ZNF718: variants seen among roughly 807,000 people sequenced by gnomAD.
The protein encoded by ZNF718 is zinc finger protein 718.
A neutral mutation model predicts 2.6 loss-of-function variants in ZNF718; 3 were observed. That is an observed-to-expected ratio of 1.16 (90% CI 0.53 to 3.01). ZNF718 has a LOEUF of 3.01. Ranked by LOEUF, ZNF718 falls within the 30% of genes most tolerant of loss-of-function variation. The pLI, the probability that ZNF718 is intolerant of heterozygous loss-of-function variation, is 0.03. For synonymous variants in ZNF718, 135 were observed against 77.9 expected, an observed-to-expected ratio of 1.73 and a Z score of -3.86; for missense variants, 468 against 230.0, an observed-to-expected ratio of 2.03 and a Z score of -6.69.
intron 3 of ZNF718, among the ~76,000 whole-genome samples, chr4:171,637 C>G (rs1717234979): frequency 6.6e-6 from 1 of 152,214 alleles, no homozygotes; most frequent in Non-Finnish European, 1.5e-5. Flanking sequence ...GTAGGACCCT[C>G]TGAGCCAGGC....
At chr4:194,388 T>C (rs1360445748) in intron 3 of ZNF718, among the ~76,000 whole-genome samples, 1 of 152,188 alleles carries the variant, frequency 6.6e-6, no homozygotes, top group Non-Finnish European at 1.5e-5. Context: ...TAGTCTCCTA[T>C]CACAAAAATT....
intron 1 of ZNF718, among the ~76,000 whole-genome samples, chr4:125,803 CCTAA>C (rs1185734590): frequency 1.3e-5 from 2 of 152,204 alleles, no homozygotes; most frequent in African/African-American, 4.8e-5. Flanking sequence ...CCACACCTGG[CCTAA>C]GACAGGGTTC....
At chr4:197,001 G>A (rs1717804646) in intron 3 of ZNF718, among the ~76,000 whole-genome samples, 2 of 149,254 alleles carry the variant, frequency 1.3e-5, no homozygotes, top group African/African-American at 4.9e-5. Flanking sequence ...CCCAAGATGG[G>A]GGCAGCCCAT....
At chr4:200,211 G>A (rs533695967) in intron 3 of ZNF718, among the ~76,000 whole-genome samples, 21 of 152,228 alleles carry the variant, frequency 1.4e-4, no homozygotes, top group Non-Finnish European at 2.2e-4. Context: ...CAGTACAATC[G>A]GATACAAAAC....
At chr4:182,291 G>A (rs1231686530) in intron 3 of ZNF718, among the ~76,000 whole-genome samples, 1 of 152,010 alleles carries the variant, frequency 6.6e-6, no homozygotes, top group African/African-American at 2.4e-5. Context: ...AATGGTGTAA[G>A]AGCATTCCTT....
intron 3 of ZNF718, among the ~76,000 whole-genome samples, chr4:180,473 C>T (rs782820513): frequency 1.3e-5 from 2 of 152,154 alleles, no homozygotes; most frequent in Admixed American, 6.6e-5. Context: ...AACTCTCGGT[C>T]GGGTTCAGTG....
At chr4:166,934 C>T (rs1194709268), downstream of ZNF718, among the ~76,000 whole-genome samples, 12 of 152,164 alleles carry the variant, frequency 7.9e-5, no homozygotes, top group South Asian at 2.1e-4. Context: ...CCCATGCCTG[C>T]GTCCTGAATG....
At chr4:199,017 C>T (rs1717846572) in intron 3 of ZNF718, among the ~76,000 whole-genome samples, 1 of 152,196 alleles carries the variant, frequency 6.6e-6, no homozygotes, top group Non-Finnish European at 1.5e-5. Context: ...GGGATATGCA[C>T]CCAGAGTCTG....
chr4:155,069 C>T lies in ZNF718; in HGVS notation c.227-5843C>T, dbSNP rs1342002611. Among the ~76,000 whole-genome samples the T allele has an allele frequency of 2.0e-5, 3 of 152,200 alleles. No homozygotes were observed. The East Asian group carries it at 5.8e-4, about 29-fold the overall frequency. ...CCAAGCCCCAAGCCTTGGTAGGTTC[C>T]ATGTGATCTTGAGCCTGCAGGTACA... On this transcript the variant is annotated intron_variant, in intron 3 of 3. Transcript: ENST00000510175.
chr4:158,585 A>T (rs1553814187), intron 3 of ZNF718, among the ~76,000 whole-genome samples: 2 of 151,852 alleles, frequency 1.3e-5, no homozygotes, highest in African/African-American at 4.8e-5. Context: ...TATATTTTAA[A>T]CTGGTAAGAA....
downstream of ZNF718, among the ~76,000 whole-genome samples, chr4:164,419 C>A (rs1717038615): frequency 6.6e-6 from 1 of 152,002 alleles, no homozygotes; most frequent in African/African-American, 2.4e-5. Context: ...GGAATCAAAT[C>A]TACACTATAT....
At chr4:141,920 T>G in intron 3 of ZNF718, 1 of 418,498 alleles carries the variant, frequency 2.4e-6, no homozygotes, top group Admixed American at 2.7e-5. Flanking sequence ...CAATGCATGT[T>G]TTCTGTTGTA....
rs1341908315 is a variant in ZNF718 at position 140,276 on chromosome 4, CAGG to C, written c.226+8776_226+8778del. On this transcript the variant is annotated intron_variant, in intron 3 of 3. Transcript: ENST00000510175. Reference sequence around the variant, plus strand: ...ACATCTGACACTGAGATCGGATCCACAGGAGGATACTCTGTGGGTCCTGCGGAC... The same window carrying C: ...ACATCTGACACTGAGATCGGATCCACAGGATACTCTGTGGGTCCTGCGGAC... Among the ~76,000 whole-genome samples the C allele has an allele frequency of 9.9e-5, 15 of 152,252 alleles. No homozygotes were observed. The East Asian group carries it at 1.5e-3, about 16-fold the overall frequency.
intron 3 of ZNF718, among the ~76,000 whole-genome samples, chr4:181,661 G>C (rs1224372244): frequency 4.6e-5 from 7 of 151,764 alleles, no homozygotes; most frequent in African/African-American, 1.7e-4. Context: ...TTTTTTCACT[G>C]TATTTCCAAC....
intron 3 of ZNF718, among the ~76,000 whole-genome samples, chr4:139,000 T>C (rs1715694245): frequency 6.6e-6 from 1 of 152,196 alleles, no homozygotes; most frequent in African/African-American, 2.4e-5. Flanking sequence ...TATAGAGCTG[T>C]TTGTGTGCCT....
chr4:201,180 C>T (rs1220670515), exon 4 of ZNF718: 1 of 152,214 alleles, frequency 6.6e-6, no homozygotes, highest in Admixed American at 6.5e-5. Context: ...GTAAGCTCCA[C>T]TAGTGACTGA....
chr4:138,971 T>G (rs1486379852), intron 3 of ZNF718, among the ~76,000 whole-genome samples: 7 of 152,238 alleles, frequency 4.6e-5, no homozygotes, highest in Admixed American at 3.3e-4. Flanking sequence ...TTTTGCTTAT[T>G]TATCATCAGA....
intron 3 of ZNF718, among the ~76,000 whole-genome samples, chr4:191,139 T>A (rs930995765): frequency 3.3e-4 from 49 of 148,142 alleles, no homozygotes; most frequent in Non-Finnish European, 6.3e-4. Flanking sequence ...AAACCAGACA[T>A]AAGTCTTTTT....
chr4:183,804 A>G (rs1217579049), intron 3 of ZNF718, among the ~76,000 whole-genome samples: 2 of 151,642 alleles, frequency 1.3e-5, no homozygotes, highest in African/African-American at 2.4e-5. Context: ...TTGGCTCTCA[A>G]CTGGCCTGTT....
Sources: gnomAD v4.1 joint callset for allele counts (sites outside exome capture counted in the v4.1 genomes callset) on GRCh38, gnomAD v4.1.1 for gene constraint, MANE v1.5 for transcripts, NCBI Gene and HGNC (gene_info 2026-07-23, HGNC 2026-07-21) for gene names.